Variants in SLC7A13 observed in about 807,000 individuals in gnomAD.
The protein encoded by SLC7A13 is solute carrier family 7 member 13.
In SLC7A13, 31 loss-of-function variants were observed where a neutral mutation model predicts 32.0. That is an observed-to-expected ratio of 0.97 (90% confidence interval 0.73 to 1.31). The LOEUF is 1.31. Ranked by LOEUF, SLC7A13 falls within the 50% of genes most tolerant of loss-of-function variation. The probability of loss-of-function intolerance (pLI) is 0.00; values close to 1 mark genes in which losing one functional copy is unlikely to be tolerated. For synonymous variants in SLC7A13, 232 were observed against 206.9 expected (o/e 1.12, Z -1.04); for missense variants, 633 against 546.9 (o/e 1.16, Z -1.57).
chr8:86,220,992 C>CAAAA (rs35169757), intron 2 of SLC7A13, among the ~76,000 whole-genome samples: 15 of 108,522 alleles, frequency 1.4e-4, no homozygotes, highest in Admixed American at 1.2e-3. Flanking sequence ...GACTCTGTTT[C>CAAAA]AAAAAAAAAA....
chr8:86,220,066 T>C (rs761967212), intron 2 of SLC7A13, among the ~76,000 whole-genome samples: 3 of 152,130 alleles, frequency 2.0e-5, no homozygotes, highest in Non-Finnish European at 4.4e-5. Context: ...TTGTCTATCA[T>C]TGGCTATCTT....
rs144944362 is a variant in SLC7A13 at position 86,229,826 on chromosome 8, C to T, written c.452G>A (p.Arg151His). ...MLWIVGILTS[R>H]GVKEVTWLQI... ...AAGCCAAGTCACTTCTTTCACACCA[C>T]GAGAAGTCAGAATTCCTACAATCCA... is the stretch of plus-strand genomic sequence containing the variant. Residue 151 changes from arginine (R) to histidine (H), a missense_variant, in exon 1 of 4, where the codon CGT (arginine) becomes CAT (histidine). Physicochemically the swap from Arg to His is conservative, Grantham distance 29. Coordinates refer to ENST00000297524, the MANE Select transcript of SLC7A13 (RefSeq NM_138817.3). The T allele has an allele frequency of 7.2e-5, 117 of 1,614,156 alleles. No individual in the cohort carries two copies. In the African/African-American group the frequency reaches 8.4e-4, roughly 12 times the overall value.
chr8:86,223,067 C>G lies in SLC7A13; in HGVS notation c.722G>C (p.Cys241Ser), dbSNP rs1041943537. The change falls in exon 2 of 4, where the codon TGC becomes TCC. Residue 241 changes from cysteine (C) to serine (S), a missense_variant. Cys to Ser is a moderately radical substitution (Grantham distance 112, BLOSUM62 -1). Coordinates refer to ENST00000297524, the MANE Select transcript of SLC7A13 (RefSeq NM_138817.3). ...CACCAGAGGTAACGCAGTAAATATG[C>G]ATTTGGGAATTGTTGTTCTGGGCTT... ...LKKPRTTIPK[C>S]IFTALPLVTV... The G allele has an allele frequency of 1.2e-6, 2 of 1,605,630 alleles. No homozygotes were observed. The highest frequency in any genetic ancestry group is 8.5e-7 in the Non-Finnish European group (1 of 1,175,880).
intron 2 of SLC7A13, among the ~76,000 whole-genome samples, chr8:86,222,661 C>A (rs1034016167): frequency 6.6e-6 from 1 of 151,992 alleles, no homozygotes; most frequent in Non-Finnish European, 1.5e-5. Context: ...TCGATGTAAA[C>A]AGTGATTACT....
chr8:86,223,981 T>C (rs368468912), intron 1 of SLC7A13, among the ~76,000 whole-genome samples: 23 of 152,296 alleles, frequency 1.5e-4, no homozygotes, highest in South Asian at 1.0e-3. Context: ...AGCCCACTTA[T>C]GTGTTTAGCC....
rs762327138 is a variant in SLC7A13, at chr8:86,229,851, A to G, written c.427T>C (p.Trp143Arg). The G allele has an allele frequency of 2.3e-5, 37 of 1,614,056 alleles. No homozygotes were observed. The highest frequency in any genetic ancestry group is 2.9e-5 in the Non-Finnish European group (34 of 1,180,040). ...CGAGAAGTCAGAATTCCTACAATCC[A>G]CAACATGGCCAATGCCAGACATTTC... ...PKKCLALAML[W>R]IVGILTSRGV... is the part of the protein sequence containing the mutation. Residue 143 changes from tryptophan (W) to arginine (R), a missense_variant, in exon 1 of 4, where the codon TGG (tryptophan) becomes CGG (arginine). By Grantham distance (101) the Trp-to-Arg change is moderately radical. Transcript: ENST00000297524.
rs868602680 is a variant in SLC7A13, at chr8:86,229,734, G to T, written c.544C>A (p.Leu182Met). 1 of 1,613,982 alleles carries T rather than the reference G, an allele frequency of 6.2e-7. No homozygotes were observed. The highest frequency in any genetic ancestry group is 8.5e-7 in the Non-Finnish European group (1 of 1,180,028). ...SFISLTGVVF[L>M]IRGKKENVER... ...ACATTCTCCTTTTTCCCTCTTATCAGGAACACTACTCCAGTTAGGGAAATG... is the reference window on the plus strand; with the variant it reads ...ACATTCTCCTTTTTCCCTCTTATCATGAACACTACTCCAGTTAGGGAAATG... Residue 182 changes from leucine to methionine, a missense_variant, in exon 1 of 4, where the codon CTG (leucine) becomes ATG (methionine). Transcript: ENST00000297524.
intron 1 of SLC7A13, among the ~76,000 whole-genome samples, chr8:86,224,155 G>T (rs895780674): frequency 6.6e-6 from 1 of 152,188 alleles, no homozygotes; most frequent in Non-Finnish European, 1.5e-5. Context: ...TATATGAAAA[G>T]AAACAAGGTG....
chr8:86,227,890 T>C (rs1820414864), intron 1 of SLC7A13, among the ~76,000 whole-genome samples: 1 of 152,048 alleles, frequency 6.6e-6, no homozygotes, highest in Non-Finnish European at 1.5e-5. Flanking sequence ...AAACAGTAAG[T>C]ACACATGGAT....
rs1820200910 is a variant in SLC7A13, at chr8:86,217,326, A to G, written c.1179+144T>C. The G allele has an allele frequency of 3.9e-6, 3 of 767,456 alleles. No homozygotes were observed. The East Asian group carries it at 9.9e-5, about 25-fold the overall frequency. 47.5% of individuals were successfully genotyped at this position (767,456 alleles called of 1,614,324 possible). A position where few individuals can be genotyped will look rare whatever the true frequency, so the allele number is the denominator to read the frequency against. ...CTAGCCAATAAAAACGAAAATTAAA[A>G]CCAAGACTAGATTATTCTCATGTGT... On this transcript the variant is annotated intron_variant, in intron 3 of 3. Transcript: ENST00000297524.
Position 86,214,263 on chromosome 8 carries a change from C to T in SLC7A13, c.*150G>A, listed in dbSNP as rs896430598. 5.8e-5 allele frequency: 34 copies of T among 587,216 alleles called. No homozygotes were observed. The highest frequency in any genetic ancestry group is 1.0e-4 in the Non-Finnish European group (34 of 338,626). 36.4% of individuals were successfully genotyped at this position (587,216 alleles called of 1,614,324 possible). On this transcript the variant is annotated 3_prime_UTR_variant, in exon 4 of 4. Coordinates refer to ENST00000297524, the MANE Select transcript of SLC7A13 (RefSeq NM_138817.3). ...CTGAAGCCAGGTACTGTCTTAGGCA[C>T]TTTTGTATACATTACTTATTTCATT...
intron 2 of SLC7A13, among the ~76,000 whole-genome samples, chr8:86,220,957 C>T (rs1209252090): frequency 1.3e-5 from 2 of 148,442 alleles, no homozygotes; most frequent in Non-Finnish European, 3.0e-5. Context: ...TGTGCCACTG[C>T]ACTCCAGCCT....
chr8:86,227,066 G>A (rs1018575253), intron 1 of SLC7A13, among the ~76,000 whole-genome samples: 1 of 152,190 alleles, frequency 6.6e-6, no homozygotes, highest in African/African-American at 2.4e-5. Context: ...ACTTGCTATA[G>A]TTGGTAATGG....
intron 2 of SLC7A13, among the ~76,000 whole-genome samples, chr8:86,218,610 T>G (rs1000175342): frequency 3.3e-5 from 5 of 151,912 alleles, no homozygotes; most frequent in African/African-American, 1.2e-4. Context: ...TATAAAATGT[T>G]CATGGTACTA....
chr8:86,223,189 A>G (rs1370485146), intron 1 of SLC7A13, 86 bp from the exon 2 acceptor site: 14 of 1,306,356 alleles, frequency 1.1e-5, no homozygotes, highest in African/African-American at 1.5e-5. Context: ...TTGTATTTGT[A>G]TAAATTAATG....
At chr8:86,222,088 T>C (rs868409617) in intron 2 of SLC7A13, among the ~76,000 whole-genome samples, 1 of 152,146 alleles carries the variant, frequency 6.6e-6, no homozygotes, top group South Asian at 2.1e-4. Context: ...TGATACCATA[T>C]GGCATCACCC....
intron 1 of SLC7A13, among the ~76,000 whole-genome samples, chr8:86,223,666 A>T (rs1050553129): frequency 6.6e-6 from 1 of 151,964 alleles, no homozygotes; most frequent in Non-Finnish European, 1.5e-5. Flanking sequence ...TTCTTTGAGA[A>T]ATCTCCATAC....
At chr8:86,219,027 A>G (rs1395582642) in intron 2 of SLC7A13, among the ~76,000 whole-genome samples, 1 of 152,126 alleles carries the variant, frequency 6.6e-6, no homozygotes, top group East Asian at 1.9e-4. Context: ...GTTCTTAAAG[A>G]TATTTATTTT....
intron 1 of SLC7A13, among the ~76,000 whole-genome samples, chr8:86,228,891 A>G (rs1820436612): frequency 1.3e-5 from 2 of 151,760 alleles, no homozygotes; most frequent in South Asian, 4.1e-4. Flanking sequence ...TATTTTGCCC[A>G]GGTGGTCTCA....
Sources: gnomAD v4.1 joint callset for allele counts (sites outside exome capture counted in the v4.1 genomes callset) on GRCh38, gnomAD v4.1.1 for gene constraint, MANE v1.5 for transcripts, NCBI Gene and HGNC (gene_info 2026-07-23, HGNC 2026-07-21) for gene names.